AUTS2: variants seen among roughly 807,000 people sequenced by gnomAD.
AUTS2 encodes autism susceptibility gene 2 protein.
AUTS2 carries 17 observed loss-of-function variants against 112.4 expected under a neutral mutation model. The ratio of observed to expected loss-of-function variants is 0.15; its 90% CI spans 0.10 to 0.23. The LOEUF is 0.23. Among genes scored for constraint, AUTS2 ranks in the 10% least tolerant of loss-of-function variants. The pLI is 1.00. For synonymous variants in AUTS2, 751 were observed against 702.7 expected, an observed-to-expected ratio of 1.07 and a Z score of -1.09; for missense variants, 1,510 against 1,701.6, an observed-to-expected ratio of 0.89 and a Z score of 1.98.
At chr7:70,568,800 C>T (rs1563047220) in intron 5 of AUTS2, among the ~76,000 whole-genome samples, 2 of 152,234 alleles carry the variant, frequency 1.3e-5, no homozygotes, top group Non-Finnish European at 2.9e-5. Context: ...GAAACACTGT[C>T]GCCACCAGTG....
intron 4 of AUTS2, among the ~76,000 whole-genome samples, chr7:70,171,212 G>A (rs1268836940): frequency 6.6e-6 from 1 of 152,204 alleles, no homozygotes; most frequent in African/African-American, 2.4e-5. Context: ...TTCCCAAACT[G>A]TTGGATTGCA....
intron 5 of AUTS2, among the ~76,000 whole-genome samples, chr7:70,698,220 A>T (rs919805048): frequency 3.9e-5 from 6 of 152,264 alleles, no homozygotes; most frequent in Non-Finnish European, 8.8e-5. Flanking sequence ...TACCACGAAA[A>T]ACATAACATT....
chr7:69,860,989 T>TC (rs1363532668), intron 1 of AUTS2, among the ~76,000 whole-genome samples: 8 of 152,108 alleles, frequency 5.3e-5, no homozygotes, highest in African/African-American at 1.7e-4. Context: ...AACCTGGGAA[T>TC]CGACTCATTG....
intron 5 of AUTS2, among the ~76,000 whole-genome samples, chr7:70,490,927 G>T (rs117530992): frequency 1.8e-3 from 277 of 152,298 alleles, no homozygotes; most frequent in Non-Finnish European, 3.4e-3. Context: ...GCCAAAGCTG[G>T]CTGCTCACCT....
chr7:70,210,663 C>G (rs1810831202), intron 4 of AUTS2, among the ~76,000 whole-genome samples: 1 of 152,084 alleles, frequency 6.6e-6, no homozygotes, highest in Non-Finnish European at 1.5e-5. Context: ...TGTATGCACT[C>G]TGCAGAGGGG....
At chr7:70,229,381 A>G (rs1402635538) in intron 4 of AUTS2, among the ~76,000 whole-genome samples, 1 of 152,120 alleles carries the variant, frequency 6.6e-6, no homozygotes, top group Non-Finnish European at 1.5e-5. Flanking sequence ...GCACTTGAAG[A>G]CATCCTCCCA....
intron 1 of AUTS2, among the ~76,000 whole-genome samples, chr7:69,831,384 G>T (rs916365608): frequency 6.6e-5 from 10 of 152,086 alleles, no homozygotes; most frequent in African/African-American, 2.2e-4. Context: ...CCTGTGGACT[G>T]CAGAATTAAA....
At chr7:69,662,768 A>G (rs956564653) in intron 1 of AUTS2, among the ~76,000 whole-genome samples, 1 of 152,010 alleles carries the variant, frequency 6.6e-6, no homozygotes, top group Non-Finnish European at 1.5e-5. Flanking sequence ...TTTTCCCCTT[A>G]TTTTCAAAAT....
chr7:69,717,978 T>C (rs1798710110), intron 1 of AUTS2, among the ~76,000 whole-genome samples: 1 of 152,188 alleles, frequency 6.6e-6, no homozygotes, highest in Non-Finnish European at 1.5e-5. Context: ...ACTTTACCTC[T>C]TCAATTCAAG....
chr7:70,374,620 T>C (rs1243002723), intron 4 of AUTS2, among the ~76,000 whole-genome samples: 1 of 152,204 alleles, frequency 6.6e-6, no homozygotes, highest in Non-Finnish European at 1.5e-5. Flanking sequence ...GAAGTGATTA[T>C]ATTGGGGTCA....
intron 5 of AUTS2, among the ~76,000 whole-genome samples, chr7:70,635,084 C>T (rs1336061597): frequency 1.3e-5 from 2 of 152,116 alleles, no homozygotes; most frequent in African/African-American, 4.8e-5. Context: ...ACCAGAGTAC[C>T]GAGTGCCTTA....
chr7:70,563,903 A>G (rs1801595506), intron 5 of AUTS2, among the ~76,000 whole-genome samples: 1 of 152,230 alleles, frequency 6.6e-6, no homozygotes. Context: ...CCTGTGATAT[A>G]GAAAGCTTGC....
intron 1 of AUTS2, among the ~76,000 whole-genome samples, chr7:69,781,617 C>T (rs1789146410): frequency 6.6e-6 from 1 of 152,238 alleles, no homozygotes; most frequent in Non-Finnish European, 1.5e-5. Context: ...TTATACTGCA[C>T]CGAATTGACA....
At chr7:70,290,714 C>G in intron 4 of AUTS2, 2 of 1,243,840 alleles carry the variant, frequency 1.6e-6, no homozygotes, top group Non-Finnish European at 2.1e-6. Flanking sequence ...AATTGTTAAC[C>G]TGCCCAGCTG....
At chr7:70,393,887 A>G (rs1180329526) in intron 4 of AUTS2, among the ~76,000 whole-genome samples, 3 of 152,156 alleles carry the variant, frequency 2.0e-5, no homozygotes, top group Admixed American at 6.5e-5. Context: ...GAGTGAGCCA[A>G]TGACACCTCA....
chr7:69,929,605 A>C (rs977748896), intron 2 of AUTS2, among the ~76,000 whole-genome samples: 1 of 151,988 alleles, frequency 6.6e-6, no homozygotes, highest in Non-Finnish European at 1.5e-5. Flanking sequence ...CAGGTTCACC[A>C]GTCTTTTCTT....
chr7:69,871,446 C>T (rs556109292), intron 1 of AUTS2, among the ~76,000 whole-genome samples: 4 of 152,216 alleles, frequency 2.6e-5, no homozygotes, highest in South Asian at 2.1e-4. Context: ...TAGTACTGGC[C>T]CCTGTATATA....
intron 1 of AUTS2, among the ~76,000 whole-genome samples, chr7:69,775,929 T>C (rs1319678133): frequency 6.6e-6 from 1 of 152,144 alleles, no homozygotes; most frequent in Non-Finnish European, 1.5e-5. Flanking sequence ...AGATTGGCCC[T>C]GGGTAGGAGA....
intron 1 of AUTS2, among the ~76,000 whole-genome samples, chr7:69,616,571 A>T (rs1320197878): frequency 2.6e-5 from 4 of 152,232 alleles, no homozygotes; most frequent in Non-Finnish European, 5.9e-5. Context: ...GGGATGCAAC[A>T]GTTGTGGGAC....
Sources: gnomAD v4.1 joint callset for allele counts (sites outside exome capture counted in the v4.1 genomes callset) on GRCh38, gnomAD v4.1.1 for gene constraint, MANE v1.5 for transcripts, NCBI Gene and HGNC (gene_info 2026-07-23, HGNC 2026-07-21) for gene names.